Variants in TTC6 observed in about 807,000 individuals in gnomAD.
TTC6 encodes the protein tetratricopeptide repeat protein 6.
Under a neutral mutation model 210.4 loss-of-function variants are expected in TTC6, and 172 were observed. That is an observed-to-expected ratio of 0.82 (90% CI 0.72 to 0.93). TTC6 has a LOEUF of 0.93. Among genes scored for constraint, TTC6 ranks in the 40% least tolerant of loss-of-function variants. The pLI is 0.00. For missense variants in TTC6, 2,414 were observed against 2,318.1 expected (o/e 1.04, Z -0.85); for synonymous variants, 804 against 819.6 (o/e 0.98, Z 0.32).
chr14:37,714,876 C>T (rs2095850007), intron 6 of TTC6, 80 bp downstream of exon 8: 2 of 1,356,674 alleles, frequency 1.5e-6, no homozygotes, highest in Non-Finnish European at 2.0e-6. Flanking sequence ...TTTTTTCACT[C>T]TTAAAAATTA....
Position 37,622,391 on chromosome 14 carries a change from AG to A in TTC6, c.329del (p.Gly110AlafsTer24). ...CGGGCCTGGGTGAGGCGGCGGCTCC[AG>A]GCAAGACCCGGTCGTTTCGCCCCCG... is the stretch of plus-strand genomic sequence containing the variant. On this transcript the variant is annotated frameshift_variant, in exon 1 of 31. Coordinates refer to ENST00000553443, the Ensembl canonical transcript of TTC6. LOFTEE classifies it high-confidence loss of function. The A allele has an allele frequency of 6.5e-7, 1 of 1,532,612 alleles. No homozygotes were observed. The highest frequency in any genetic ancestry group is 8.7e-7 in the Non-Finnish European group (1 of 1,145,136). The allele number at this position is 1,532,612 out of a possible 1,614,324, so 94.9% of individuals were successfully genotyped here.
intron 1 of TTC6, among the ~76,000 whole-genome samples, chr14:37,635,854 C>G (rs1177116010): frequency 6.6e-6 from 1 of 151,858 alleles, no homozygotes; most frequent in Non-Finnish European, 1.5e-5. Context: ...TGGTGCATGC[C>G]TGTAATCCCA....
intron 1 of TTC6, among the ~76,000 whole-genome samples, chr14:37,636,731 T>C (rs1469369339): frequency 6.6e-6 from 1 of 152,188 alleles, no homozygotes; most frequent in African/African-American, 2.4e-5. Context: ...ATAAGTAACA[T>C]GGTATCCACT....
At chr14:37,819,677 A>G (rs757365098) in intron 26 of TTC6, among the ~76,000 whole-genome samples, 1 of 152,176 alleles carries the variant, frequency 6.6e-6, no homozygotes, top group Non-Finnish European at 1.5e-5. Context: ...ACTTCAGCAC[A>G]TTTATTTTAC....
In TTC6 at chr14:37,721,847, CATATATATAT is replaced by C. The variant is rs35265224; in HGVS notation, c.1714-3030_1714-3021del. ...CATGCTTTGGCACTGTGAGTTTCAC[CATATATATAT>C]ATATATATATATATATATATGTATA... On this transcript the variant is annotated intron_variant, in intron 6 of 30. Transcript: ENST00000553443. 1.5e-3 allele frequency among the ~76,000 whole-genome samples: 178 copies of C among 117,264 alleles called. 1 individual carries two copies. The highest frequency in any genetic ancestry group is 2.2e-3 in the South Asian group (7 of 3,242). The allele number at this position is 117,264 out of a possible 152,430, so 76.9% of individuals were successfully genotyped here.
At chr14:37,646,200 G>T (rs1378657054) in intron 1 of TTC6, among the ~76,000 whole-genome samples, 2 of 152,160 alleles carry the variant, frequency 1.3e-5, no homozygotes, top group African/African-American at 4.8e-5. Flanking sequence ...ATAACATTAC[G>T]TGAAGTTGGA....
intron 1 of TTC6, among the ~76,000 whole-genome samples, chr14:37,638,062 C>T (rs1412369753): frequency 5.9e-5 from 9 of 152,024 alleles, no homozygotes; most frequent in Admixed American, 3.3e-4. Context: ...TTCATAATAA[C>T]CCCTAACTGT....
chr14:37,808,887 T>C, intron 24 of TTC6, 41 bp downstream of exon 26: 2 of 1,028,986 alleles, frequency 1.9e-6, no homozygotes, highest in Non-Finnish European at 2.9e-6. Flanking sequence ...TTAAAGTGTT[T>C]AATAAATAAC....
intron 17 of TTC6, among the ~76,000 whole-genome samples, chr14:37,792,891 T>C (rs1182253384): frequency 6.6e-6 from 1 of 151,956 alleles, no homozygotes; most frequent in Non-Finnish European, 1.5e-5. Flanking sequence ...ATACTTACTT[T>C]TAATTTTGTT....
At position 37,715,753 on chromosome 14, in the gene TTC6, T is replaced by A. The variant is rs1228734123; in HGVS notation, c.1713+957T>A. Among the ~76,000 whole-genome samples, 3 of 152,192 alleles carry A rather than the reference T, an allele frequency of 2.0e-5. 1 individual carries two copies. The highest frequency in any genetic ancestry group is 7.2e-5 in the African/African-American group (3 of 41,546). On this transcript the variant is annotated intron_variant, in intron 6 of 30. Transcript: ENST00000553443. ...CCAGAATCCTACATCCAGAAAAATA[T>A]CCTTTAGGAATAAAGGAATCAAGAC...
chr14:37,663,767 C>T (rs1356501120), intron 1 of TTC6, among the ~76,000 whole-genome samples: 1 of 152,102 alleles, frequency 6.6e-6, no homozygotes, highest in Non-Finnish European at 1.5e-5. Context: ...TTGTCTCAGA[C>T]CAAAAGCTTC....
chr14:37,754,114 G>A (rs1252917523), intron 14 of TTC6, among the ~76,000 whole-genome samples: 1 of 152,014 alleles, frequency 6.6e-6, no homozygotes, highest in Non-Finnish European at 1.5e-5. Context: ...TGGGATACAT[G>A]TGCAGAACGT....
At chr14:37,730,604 A>G (rs1390009657) in intron 7 of TTC6, among the ~76,000 whole-genome samples, 3 of 151,870 alleles carry the variant, frequency 2.0e-5, no homozygotes, top group African/African-American at 2.4e-5. Flanking sequence ...TCTTCTAATC[A>G]TTTTTGTTTT....
At chr14:37,745,840 C>T (rs530634131) in intron 10 of TTC6, among the ~76,000 whole-genome samples, 4 of 152,264 alleles carry the variant, frequency 2.6e-5, no homozygotes, top group East Asian at 3.9e-4. Flanking sequence ...AGGATTCTTC[C>T]GCAGTGGGAC....
intron 16 of TTC6, among the ~76,000 whole-genome samples, chr14:37,791,335 AGAAATATAGACT>A (rs1566957391): frequency 6.6e-6 from 1 of 152,182 alleles, no homozygotes; most frequent in Non-Finnish European, 1.5e-5. Context: ...ATGTTCAGGG[AGAAATATAGACT>A]GAAAGTTAAA....
At chr14:37,674,911 C>A (rs1305845866) in intron 1 of TTC6, among the ~76,000 whole-genome samples, 1 of 151,914 alleles carries the variant, frequency 6.6e-6, no homozygotes, top group African/African-American at 2.4e-5. Context: ...TATAGACAAA[C>A]AGAAATAAAT....
chr14:37,668,252 T>C (rs74045690), intron 1 of TTC6, among the ~76,000 whole-genome samples: 3,026 of 150,744 alleles, frequency 0.02, 133 homozygotes, highest in African/African-American at 0.053. Context: ...TTTTTCTTTT[T>C]CCTTCTAATC....
intron 1 of TTC6, among the ~76,000 whole-genome samples, chr14:37,642,503 AC>A (rs2095693881): frequency 6.6e-6 from 1 of 152,180 alleles, no homozygotes; most frequent in Admixed American, 6.5e-5. Flanking sequence ...TAACAGACTG[AC>A]CTGCTTTTAC....
At chr14:37,660,140 A>G (rs1389062932) in intron 1 of TTC6, among the ~76,000 whole-genome samples, 3 of 151,076 alleles carry the variant, frequency 2.0e-5, no homozygotes, top group African/African-American at 7.3e-5. Context: ...TTTTGGCTGC[A>G]ATTACTTTTG....
Sources: allele counts gnomAD v4.1 joint callset (sites outside exome capture counted in the v4.1 genomes callset), GRCh38; gene constraint gnomAD v4.1.1; transcripts MANE v1.5; gene names NCBI Gene and HGNC (gene_info 2026-07-23, HGNC 2026-07-21).